The following ATRNL1 variants were observed in gnomAD, a reference collection of about 807,000 sequenced individuals.
The protein encoded by ATRNL1 is attractin-like protein 1.
Under a neutral mutation model 182.7 loss-of-function variants are expected in ATRNL1, and 95 were observed. The ratio of observed to expected loss-of-function variants is 0.52; its 90% CI spans 0.44 to 0.62. The LOEUF is 0.62. ATRNL1 is among the 20% of genes least tolerant of loss of function. The pLI is 0.00. For synonymous variants in ATRNL1, 576 were observed against 568.3 expected, an observed-to-expected ratio of 1.01 and a Z score of -0.19; for missense variants, 1,471 against 1,679.5, an observed-to-expected ratio of 0.88 and a Z score of 2.17.
At chr10:115,107,987 C>A (rs1220169024) in intron 1 of ATRNL1, among the ~76,000 whole-genome samples, 1 of 152,122 alleles carries the variant, frequency 6.6e-6, no homozygotes, top group Non-Finnish European at 1.5e-5. Context: ...CTCTGAAATG[C>A]CTTCAAGATC....
chr10:115,718,957 G>A (rs1000669713), intron 26 of ATRNL1, among the ~76,000 whole-genome samples: 2 of 152,062 alleles, frequency 1.3e-5, no homozygotes, highest in African/African-American at 4.8e-5. Context: ...CCATACATCA[G>A]TTACTAGAAA....
At chr10:115,883,921 A>G (rs1951884695) in intron 28 of ATRNL1, among the ~76,000 whole-genome samples, 1 of 152,258 alleles carries the variant, frequency 6.6e-6, no homozygotes, top group East Asian at 1.9e-4. Flanking sequence ...ATGGATATGA[A>G]GAATGACATT....
chr10:115,305,128 G>A (rs1181226332), intron 17 of ATRNL1, among the ~76,000 whole-genome samples: 2 of 151,550 alleles, frequency 1.3e-5, no homozygotes, highest in African/African-American at 4.9e-5. Flanking sequence ...AGTCCTTCTT[G>A]CTCAGATGAG....
intron 1 of ATRNL1, chr10:115,096,502 A>G (rs1338702590): frequency 1.9e-5 from 8 of 415,890 alleles, no homozygotes; most frequent in Admixed American, 6.7e-5. Context: ...ATCTCACTTC[A>G]CTAACTATCT....
chr10:115,813,961 G>A (rs1232285047), intron 27 of ATRNL1, among the ~76,000 whole-genome samples: 1 of 152,056 alleles, frequency 6.6e-6, no homozygotes, highest in Non-Finnish European at 1.5e-5. Context: ...AACTTTATAA[G>A]TTATCTTTTT....
chr10:115,644,920 G>T (rs1859504134), intron 26 of ATRNL1, among the ~76,000 whole-genome samples: 1 of 152,020 alleles, frequency 6.6e-6, no homozygotes, highest in Non-Finnish European at 1.5e-5. Flanking sequence ...AATGTGCTTT[G>T]CATTCTATCT....
At chr10:115,582,219 CTTT>C (rs1855152390) in intron 26 of ATRNL1, among the ~76,000 whole-genome samples, 1 of 149,706 alleles carries the variant, frequency 6.7e-6, no homozygotes, top group East Asian at 2.0e-4. Flanking sequence ...GTGCACGTGT[CTTT>C]ATAGCAGCAT....
chr10:115,488,948 G>A (rs949311400), intron 24 of ATRNL1, among the ~76,000 whole-genome samples: 1 of 152,120 alleles, frequency 6.6e-6, no homozygotes, highest in Non-Finnish European at 1.5e-5. Flanking sequence ...TGGTTTCAAA[G>A]ACCATCTTTC....
At chr10:115,125,781 T>C (rs1024235828) in intron 3 of ATRNL1, among the ~76,000 whole-genome samples, 1 of 152,196 alleles carries the variant, frequency 6.6e-6, no homozygotes, top group Non-Finnish European at 1.5e-5. Flanking sequence ...CACTTTTTCT[T>C]TCCTTCATTC....
chr10:115,516,561 T>C (rs1554983933), intron 24 of ATRNL1, among the ~76,000 whole-genome samples: 2 of 151,946 alleles, frequency 1.3e-5, no homozygotes, highest in Middle Eastern at 6.3e-3. Context: ...GATCATGTCA[T>C]TCCCATAGCT....
intron 27 of ATRNL1, among the ~76,000 whole-genome samples, chr10:115,826,632 A>T (rs1033087696): frequency 5.9e-5 from 9 of 152,176 alleles, no homozygotes; most frequent in Non-Finnish European, 1.3e-4. Context: ...AGTCACGGAC[A>T]CCGGAGAGCG....
intron 24 of ATRNL1, among the ~76,000 whole-genome samples, chr10:115,518,364 A>G: frequency 6.6e-6 from 1 of 151,926 alleles, no homozygotes; most frequent in East Asian, 1.9e-4. Flanking sequence ...ATAAAATATT[A>G]TTAAAAGAAA....
intron 24 of ATRNL1, among the ~76,000 whole-genome samples, chr10:115,497,825 T>A (rs1849628379): frequency 1.3e-5 from 2 of 152,038 alleles, no homozygotes; most frequent in Non-Finnish European, 2.9e-5. Context: ...GTCCAGCTAA[T>A]TTTTGTATTT....
At chr10:115,288,751 A>G (rs1347694603) in intron 15 of ATRNL1, among the ~76,000 whole-genome samples, 2 of 151,678 alleles carry the variant, frequency 1.3e-5, no homozygotes, top group Non-Finnish European at 2.9e-5. Flanking sequence ...CGAACTCCTG[A>G]CCTCAGGTAA....
At chr10:115,533,149 A>T (rs1360839707) in intron 25 of ATRNL1, among the ~76,000 whole-genome samples, 1 of 151,862 alleles carries the variant, frequency 6.6e-6, no homozygotes, top group Non-Finnish European at 1.5e-5. Context: ...CTCTTTTTCT[A>T]TTGATTGGAA....
intron 13 of ATRNL1, among the ~76,000 whole-genome samples, chr10:115,281,143 G>A (rs1852341793): frequency 6.6e-6 from 1 of 152,162 alleles, no homozygotes; most frequent in Non-Finnish European, 1.5e-5. Flanking sequence ...AAATTAGGTT[G>A]TAGTTCACCA....
At chr10:115,258,997 C>T (rs1851279991) in intron 10 of ATRNL1, among the ~76,000 whole-genome samples, 1 of 152,126 alleles carries the variant, frequency 6.6e-6, no homozygotes, top group Non-Finnish European at 1.5e-5. Flanking sequence ...GAAGCTTCAT[C>T]CCAACGGGGC....
chr10:115,873,603 C>T (rs1204622530), intron 28 of ATRNL1, among the ~76,000 whole-genome samples: 1 of 152,128 alleles, frequency 6.6e-6, no homozygotes, highest in African/African-American at 2.4e-5. Context: ...TTTCTGGCTG[C>T]AGAAAGGGAG....
At chr10:115,536,989 T>C (rs1565145219) in intron 25 of ATRNL1, among the ~76,000 whole-genome samples, 1 of 152,128 alleles carries the variant, frequency 6.6e-6, no homozygotes, top group Non-Finnish European at 1.5e-5. Flanking sequence ...AATAAGATTA[T>C]GATGATGGAT....
Sources: gnomAD v4.1 joint callset for allele counts (sites outside exome capture counted in the v4.1 genomes callset) on GRCh38, gnomAD v4.1.1 for gene constraint, MANE v1.5 for transcripts, NCBI Gene and HGNC (gene_info 2026-07-23, HGNC 2026-07-21) for gene names.